Variants in TTC28 observed in about 807,000 individuals in gnomAD.
TTC28 encodes the protein tetratricopeptide repeat domain 28, also known as tetratricopeptide repeat protein 28.
In TTC28, 61 loss-of-function variants were observed where a neutral mutation model predicts 198.0. The observed-to-expected ratio is 0.31, with a 90% CI of 0.25 to 0.38. TTC28 has a LOEUF of 0.38. Among genes scored for constraint, TTC28 ranks in the 10% least tolerant of loss-of-function variants. TTC28 has a pLI of 1.00. For missense variants in TTC28, 2,678 were observed against 3,164.0 expected (o/e 0.85, Z 3.69); for synonymous variants, 1,171 against 1,297.8 (o/e 0.90, Z 2.10).
At chr22:28,305,418 TA>T (rs1264068430) in intron 3 of TTC28, among the ~76,000 whole-genome samples, 1 of 152,162 alleles carries the variant, frequency 6.6e-6, no homozygotes, top group Non-Finnish European at 1.5e-5. Context: ...TTCAGGAAAA[TA>T]TTTTTTATAG....
chr22:28,446,202 T>C (rs2047697848), intron 2 of TTC28, among the ~76,000 whole-genome samples: 1 of 145,096 alleles, frequency 6.9e-6, no homozygotes, highest in African/African-American at 2.6e-5. Context: ...CCCTACTGCC[T>C]AGAACAGTGC....
At chr22:28,661,232 C>T (rs576134115) in intron 1 of TTC28, among the ~76,000 whole-genome samples, 1 of 152,050 alleles carries the variant, frequency 6.6e-6, no homozygotes, top group Non-Finnish European at 1.5e-5. Context: ...TGCGGTGAGT[C>T]GAGATCGTGC....
chr22:28,079,902 A>T (rs1941286676), intron 12 of TTC28, among the ~76,000 whole-genome samples: 3 of 151,956 alleles, frequency 2.0e-5, no homozygotes, highest in South Asian at 2.1e-4. Flanking sequence ...AGTTTTAAAA[A>T]TTTTTTTGTA....
chr22:28,107,109 G>A lies in TTC28; in HGVS notation c.2736C>T (p.Arg912=). ...QYLSVAQSLN[R]MQDQAKAYRG... ...GGTAAGCCTTGGCTTGGTCTTGCAT[G>A]CGATTCAGACTCTGCGCGACAGATA... The change falls in exon 7 of 23, where the codon CGC becomes CGT. Residue 912 remains arginine (R), a synonymous_variant. Transcript: ENST00000397906. The A allele has an allele frequency of 6.4e-7, 1 of 1,551,582 alleles. No homozygotes were observed. The highest frequency in any genetic ancestry group is 8.7e-7 in the Non-Finnish European group (1 of 1,146,950).
In TTC28 at chr22:28,306,670, A is replaced by G. The variant is rs773578561; in HGVS notation, c.382-27T>C. 25 of 1,550,016 alleles carry G rather than the reference A, an allele frequency of 1.6e-5. No individual in the cohort carries two copies. The South Asian group carries it at 2.7e-4, about 17-fold the overall frequency. On this transcript the variant is annotated intron_variant, in intron 2 of 22. Transcript: ENST00000397906. ...TAGAAATAAAAGATATATAAGATAT[A>G]TAATGCCTGTGCTCCAACAAGGCTG... is the stretch of plus-strand genomic sequence containing the variant.
intron 6 of TTC28, among the ~76,000 whole-genome samples, chr22:28,118,245 A>G (rs1942688627): frequency 1.3e-5 from 2 of 152,080 alleles, no homozygotes; most frequent in African/African-American, 2.4e-5. Context: ...CTAAAAATAC[A>G]AAAATCAGCT....
chr22:28,580,146 T>A (rs2146053593), intron 2 of TTC28, among the ~76,000 whole-genome samples: 1 of 152,238 alleles, frequency 6.6e-6, no homozygotes, highest in East Asian at 1.9e-4. Flanking sequence ...TGAAGGTAGT[T>A]ATTGACTTAT....
At chr22:27,985,547 C>G in intron 21 of TTC28, 191 bp from the exon 22 acceptor site, 1 of 490,984 alleles carries the variant, frequency 2.0e-6, no homozygotes. Context: ...CTGCCCCACC[C>G]AGAACATCCA....
At chr22:28,566,703 TA>T (rs536767226) in intron 2 of TTC28, among the ~76,000 whole-genome samples, 18 of 151,100 alleles carry the variant, frequency 1.2e-4, no homozygotes, top group Middle Eastern at 3.4e-3. Flanking sequence ...ATTTTAAAAA[TA>T]AAAAAAAGAA....
At chr22:28,526,887 G>C (rs2146446249) in intron 2 of TTC28, among the ~76,000 whole-genome samples, 2 of 152,192 alleles carry the variant, frequency 1.3e-5, no homozygotes, top group South Asian at 4.2e-4. Flanking sequence ...CTCCCAAGTA[G>C]TTGGGATTAC....
At chr22:28,291,324 A>G (rs1348389865) in intron 5 of TTC28, among the ~76,000 whole-genome samples, 2 of 152,186 alleles carry the variant, frequency 1.3e-5, no homozygotes, top group Non-Finnish European at 2.9e-5. Context: ...CAGTGGGATG[A>G]CACAGCAATG....
chr22:28,655,718 G>A (rs2051634785), intron 1 of TTC28, among the ~76,000 whole-genome samples: 1 of 152,144 alleles, frequency 6.6e-6, no homozygotes, highest in Admixed American at 6.5e-5. Context: ...AGGCGCCGTG[G>A]CGGGCGCCTG....
chr22:28,265,116 G>T lies in TTC28; in HGVS notation c.933+31082C>A, dbSNP rs563737790. On this transcript the variant is annotated intron_variant, in intron 5 of 22. Coordinates refer to ENST00000397906, the MANE Select transcript of TTC28 (RefSeq NM_001145418.2). ...TATCCTGGAAGAATAAAGAATAAAT[G>T]ACATACATTTATGAATCCTGTGCTC... Among the ~76,000 whole-genome samples, 5 of 152,180 alleles carry T rather than the reference G, an allele frequency of 3.3e-5. No individual in the cohort carries two copies. In the South Asian group the frequency reaches 8.3e-4, roughly 25 times the overall value.
rs1483730072 is a variant in TTC28, at chr22:28,085,774, G to A, written c.3932+8306C>T. Among the ~76,000 whole-genome samples, 10 of 151,282 alleles carry A rather than the reference G, an allele frequency of 6.6e-5. 1 individual carries two copies. Among genetic ancestry groups the A allele is most frequent in the South Asian group, 2.1e-4 (1 of 4,766 alleles). Reference sequence around the variant, plus strand: ...GCTGTATTCAGGAAACCCACCTCACGTGCAGAGACACACATAGGCTCAAAA... The same window carrying A: ...GCTGTATTCAGGAAACCCACCTCACATGCAGAGACACACATAGGCTCAAAA... On this transcript the variant is annotated intron_variant, in intron 12 of 22. Coordinates refer to ENST00000397906, the MANE Select transcript of TTC28 (RefSeq NM_001145418.2).
At chr22:28,280,425 G>A (rs1467263134) in intron 5 of TTC28, among the ~76,000 whole-genome samples, 4 of 151,834 alleles carry the variant, frequency 2.6e-5, no homozygotes, top group East Asian at 1.9e-4. Context: ...CTCCGCCTCC[G>A]CCTCCTGGGT....
At chr22:28,202,315 T>A (rs1319528527) in intron 5 of TTC28, among the ~76,000 whole-genome samples, 1 of 152,008 alleles carries the variant, frequency 6.6e-6, no homozygotes, top group South Asian at 2.1e-4. Context: ...GGCAGGAGGA[T>A]TACTTGAGGT....
chr22:28,310,906 A>C (rs1301221506), intron 2 of TTC28, among the ~76,000 whole-genome samples: 1 of 151,906 alleles, frequency 6.6e-6, no homozygotes, highest in Non-Finnish European at 1.5e-5. Context: ...CAGCCTCCCA[A>C]GTAGCTGGAA....
At chr22:28,336,950 CT>C (rs1479052809) in intron 2 of TTC28, among the ~76,000 whole-genome samples, 1 of 152,174 alleles carries the variant, frequency 6.6e-6, no homozygotes, top group Non-Finnish European at 1.5e-5. Context: ...AATTTTAGAT[CT>C]TTCCTGCTTT....
intron 2 of TTC28, among the ~76,000 whole-genome samples, chr22:28,434,482 G>A (rs1412079106): frequency 1.3e-5 from 2 of 152,096 alleles, no homozygotes; most frequent in Non-Finnish European, 2.9e-5. Flanking sequence ...TCAAGAGTTC[G>A]AGACCAGCCT....
Sources: allele counts gnomAD v4.1 joint callset (sites outside exome capture counted in the v4.1 genomes callset), GRCh38; gene constraint gnomAD v4.1.1; transcripts MANE v1.5; gene names NCBI Gene and HGNC (gene_info 2026-07-23, HGNC 2026-07-21).